WBP4: variants seen among roughly 807,000 people sequenced by gnomAD.
WBP4 encodes the protein WW domain-binding protein 4.
WBP4 carries 37 observed loss-of-function variants against 55.4 expected under a neutral mutation model. The observed-to-expected ratio is 0.67, with a 90% CI of 0.51 to 0.88. The LOEUF (loss-of-function observed/expected upper bound fraction) is 0.88, where lower values mean the gene tolerates loss of function less well. Ranked by LOEUF, WBP4 falls within the 40% of genes least tolerant of loss-of-function variation. The pLI, the probability that WBP4 is intolerant of heterozygous loss-of-function variation, is 0.00. For synonymous variants in WBP4, 142 were observed against 140.2 expected, an observed-to-expected ratio of 1.01 and a Z score of -0.09; for missense variants, 398 against 420.8, an observed-to-expected ratio of 0.95 and a Z score of 0.47.
chr13:41,079,760 C>T (rs1400553017), intron 8 of WBP4, among the ~76,000 whole-genome samples: 2 of 152,084 alleles, frequency 1.3e-5, no homozygotes, highest in African/African-American at 2.4e-5. Flanking sequence ...GATACTTGCA[C>T]TCATATATTT....
chr13:41,070,592 C>A (rs1190892762), intron 5 of WBP4, among the ~76,000 whole-genome samples: 2 of 151,668 alleles, frequency 1.3e-5, no homozygotes, highest in African/African-American at 4.8e-5. Flanking sequence ...TATGAGGTAC[C>A]TACAGAATAT....
chr13:41,069,812 A>G (rs1433500984), intron 5 of WBP4, among the ~76,000 whole-genome samples: 3 of 148,514 alleles, frequency 2.0e-5, no homozygotes, highest in Non-Finnish European at 4.5e-5. Flanking sequence ...CAGGAGATGG[A>G]GTTTGCAGTG....
chr13:41,062,228 CCA>C, intron 1 of WBP4: 1 of 983,390 alleles, frequency 1.0e-6, no homozygotes, highest in East Asian at 1.1e-4. Flanking sequence ...ACAGTTTTCC[CCA>C]GAGTAGTCTT....
chr13:41,082,729 A>G lies in WBP4; in HGVS notation c.946A>G (p.Ser316Gly). The G allele has an allele frequency of 6.2e-7, 1 of 1,614,068 alleles. No homozygotes were observed. The highest frequency in any genetic ancestry group is 2.2e-5 in the East Asian group (1 of 44,872). Residue 316 changes from serine to glycine, a missense_variant, in exon 10 of 10, where the codon AGC becomes GGC. Physicochemically the swap from Ser to Gly is moderately conservative, Grantham distance 56 (BLOSUM62 0). Coordinates refer to ENST00000379487, the MANE Select transcript of WBP4 (RefSeq NM_007187.5). ...TGAGGAGGTAGATTTGGAACTTCCA[A>G]GCACTGAAAATGAGTATGTATCAAC... The part of the protein sequence containing the change: ...SHEEVDLELP[S>G]TENEYVSTSE...
Position 41,062,714 on chromosome 13 carries a change from C to T in WBP4, c.73C>T (p.Pro25Ser). ...CAAGTGCTGGATAGCAGACAATAGG[C>T]CTGTATGATAATTCCGCTGTTAGAG... ...YCKCWIADNRPSVEFHERGKN... is the reference protein window; with the variant it reads ...YCKCWIADNRSSVEFHERGKN... The change falls in exon 2 of 10, where the codon CCT becomes TCT. Residue 25 changes from proline (P) to serine (S), a missense_variant and splice_region_variant. Coordinates refer to ENST00000379487, the MANE Select transcript of WBP4 (RefSeq NM_007187.5). 1.2e-6 allele frequency: 2 copies of T among 1,606,358 alleles called. No individual in the cohort carries two copies. The highest frequency in any genetic ancestry group is 1.7e-6 in the Non-Finnish European group (2 of 1,175,642).
At chr13:41,064,740 T>A (rs1877869118) in intron 2 of WBP4, among the ~76,000 whole-genome samples, 1 of 152,138 alleles carries the variant, frequency 6.6e-6, no homozygotes, top group Non-Finnish European at 1.5e-5. Flanking sequence ...ACTAGATTAG[T>A]CATCAAGGGT....
At chr13:41,062,080 C>T (rs1229836437) in intron 1 of WBP4, 2 of 982,490 alleles carry the variant, frequency 2.0e-6, no homozygotes, top group Non-Finnish European at 2.4e-6. Context: ...AGCGGCCAGC[C>T]CTGGATAGCG....
chr13:41,080,217 A>G (rs1481349682), intron 8 of WBP4, among the ~76,000 whole-genome samples: 1 of 152,204 alleles, frequency 6.6e-6, no homozygotes, highest in East Asian at 1.9e-4. Flanking sequence ...TTTTTAAAAG[A>G]TAAATTATAG....
chr13:41,075,994 C>A, intron 7 of WBP4, 50 bp from the exon 8 acceptor site: 1 of 1,549,896 alleles, frequency 6.5e-7, no homozygotes, highest in Admixed American at 2.0e-5. Context: ...GAAATTACAT[C>A]TGAATAGAAT....
intron 5 of WBP4, 57 bp downstream of exon 5, chr13:41,068,794 A>G: frequency 7.1e-7 from 1 of 1,415,110 alleles, no homozygotes; most frequent in Non-Finnish European, 9.3e-7. Context: ...GAATAGAACA[A>G]TTTATTTTAT....
chr13:41,082,971 A>C lies in WBP4; in HGVS notation c.*57A>C. 1.3e-6 allele frequency: 2 copies of C among 1,494,554 alleles called. No homozygotes were observed. Among genetic ancestry groups the C allele is most frequent in the South Asian group, 2.4e-5 (2 of 84,540 alleles). The allele number at this position is 1,494,554 out of a possible 1,614,324, so 92.6% of individuals were successfully genotyped here. On this transcript the variant is annotated 3_prime_UTR_variant, in exon 10 of 10. Coordinates refer to ENST00000379487, the MANE Select transcript of WBP4 (RefSeq NM_007187.5). ...GACAGAATGGAGACTTATACACCCA[A>C]AGTTTATCTGTGTTTGTTTGTAAGT...
chr13:41,069,051 G>A (rs1419559971), intron 5 of WBP4, among the ~76,000 whole-genome samples: 1 of 152,090 alleles, frequency 6.6e-6, no homozygotes, highest in Non-Finnish European at 1.5e-5. Flanking sequence ...ATAGAAATAA[G>A]GAATTTCAAA....
Position 41,083,001 on chromosome 13 carries a change from T to A in WBP4, c.*87T>A. 1 of 1,204,272 alleles carries A rather than the reference T, an allele frequency of 8.3e-7. No homozygotes were observed. 74.6% of individuals were successfully genotyped at this position (1,204,272 alleles called of 1,614,324 possible). A position where few individuals can be genotyped will look rare whatever the true frequency, so the allele number is the denominator to read the frequency against. On this transcript the variant is annotated 3_prime_UTR_variant, in exon 10 of 10. Coordinates refer to ENST00000379487, the MANE Select transcript of WBP4 (RefSeq NM_007187.5). ...TATCTGTGTTTGTTTGTAAGTATTATGATGCTAAAAATTTAGATTTATTCT... is the reference window on the plus strand; with the variant it reads ...TATCTGTGTTTGTTTGTAAGTATTAAGATGCTAAAAATTTAGATTTATTCT...
intron 7 of WBP4, among the ~76,000 whole-genome samples, chr13:41,075,293 C>A (rs920410235): frequency 2.0e-5 from 3 of 152,300 alleles, no homozygotes; most frequent in East Asian, 1.9e-4. Flanking sequence ...GCTGCCCCCC[C>A]ACCCACCAAA....
At chr13:41,074,843 A>C (rs993496803) in intron 7 of WBP4, among the ~76,000 whole-genome samples, 4 of 152,054 alleles carry the variant, frequency 2.6e-5, no homozygotes, top group Non-Finnish European at 5.9e-5. Flanking sequence ...AAAAATACAA[A>C]ACCTAGCTGG....
intron 3 of WBP4, 41 bp from the exon 4 acceptor site, chr13:41,065,123 G>A: frequency 6.2e-7 from 1 of 1,601,746 alleles, no homozygotes; most frequent in Non-Finnish European, 8.5e-7. Flanking sequence ...GCAAATGTCA[G>A]TCCTTTATCT....
chr13:41,061,779 G>A, intron 1 of WBP4, 104 bp downstream of exon 1: 6 of 1,558,218 alleles, frequency 3.9e-6, no homozygotes, highest in South Asian at 1.1e-5. Context: ...GGCCGGGGGC[G>A]TGACAGACGC....
chr13:41,082,519 C>G (rs190428544), intron 9 of WBP4, among the ~76,000 whole-genome samples, 185 bp from the exon 10 acceptor site: 6 of 152,266 alleles, frequency 3.9e-5, no homozygotes, highest in Admixed American at 3.9e-4. Flanking sequence ...CTTCTCCCAG[C>G]ATTTATCCAC....
chr13:41,064,954 T>A, intron 2 of WBP4, 62 bp from the exon 3 acceptor site: 1 of 1,389,308 alleles, frequency 7.2e-7, no homozygotes, highest in South Asian at 1.5e-5. Flanking sequence ...AAATTATGTT[T>A]ACTATGAATT....
Sources: gnomAD v4.1 joint callset for allele counts (sites outside exome capture counted in the v4.1 genomes callset) on GRCh38, gnomAD v4.1.1 for gene constraint, MANE v1.5 for transcripts, NCBI Gene and HGNC (gene_info 2026-07-23, HGNC 2026-07-21) for gene names.